Variants in RTL4 observed in about 807,000 individuals in gnomAD.
RTL4 encodes the protein retrotransposon Gag like 4.
RTL4 carries 4 observed loss-of-function variants against 5.3 expected under a neutral mutation model. The ratio of observed to expected loss-of-function variants is 0.75; its 90% CI spans 0.37 to 1.72. RTL4 has a LOEUF of 1.72. Among genes scored for constraint, RTL4 ranks in the 40% most tolerant of loss-of-function variants. The pLI is 0.04. For missense variants in RTL4, 260 were observed against 227.1 expected (o/e 1.14, Z -0.93); for synonymous variants, 98 against 87.3 (o/e 1.12, Z -0.68).
At chrX:112,410,047 G>A in the RTL4 span, among the ~76,000 whole-genome samples, 1 of 111,525 alleles carries the variant, frequency 9.0e-6, no homozygotes, top group Non-Finnish European at 1.9e-5. Context: ...GATATTCCAT[G>A]CAAATAGAAA....
chrX:112,271,050 A>G, the RTL4 span, among the ~76,000 whole-genome samples: 1 of 11,168 alleles, frequency 9.0e-5, no homozygotes, highest in Non-Finnish European at 2.5e-4. Context: ...CTGGAGACAG[A>G]AAAAAAAAAA....
the RTL4 span, among the ~76,000 whole-genome samples, chrX:112,098,746 C>T: frequency 9.0e-6 from 1 of 111,720 alleles, no homozygotes; most frequent in Non-Finnish European, 1.9e-5. Context: ...CTTTTGGCTG[C>T]ATAAATGTCT....
the RTL4 span, among the ~76,000 whole-genome samples, chrX:112,428,185 A>C: frequency 9.0e-6 from 1 of 111,597 alleles, no homozygotes; most frequent in African/African-American, 3.2e-5. Flanking sequence ...GTGAGCACTT[A>C]AGTTGGTTCC....
the RTL4 span, among the ~76,000 whole-genome samples, chrX:112,114,207 T>C: frequency 9.0e-6 from 1 of 111,566 alleles, no homozygotes; most frequent in Non-Finnish European, 1.9e-5. Flanking sequence ...TTTTTCCTAA[T>C]TCTCCTTAGT....
the RTL4 span, among the ~76,000 whole-genome samples, chrX:112,361,315 A>C: frequency 1.8e-5 from 2 of 111,511 alleles, no homozygotes; most frequent in Non-Finnish European, 3.8e-5. Context: ...AGAATTCAAC[A>C]GTCTCTCTAC....
At chrX:112,446,539 T>G in the RTL4 span, among the ~76,000 whole-genome samples, 1 of 112,345 alleles carries the variant, frequency 8.9e-6, no homozygotes, top group Non-Finnish European at 1.9e-5. Context: ...GGAGCAGGGC[T>G]GGGTTTTCCA....
At chrX:112,241,172 TATATAA>T in the RTL4 span, among the ~76,000 whole-genome samples, 1 of 111,390 alleles carries the variant, frequency 9.0e-6, no homozygotes. Flanking sequence ...CCATAAAGAT[TATATAA>T]ATATAATCAA....
At chrX:112,193,075 C>G in the RTL4 span, among the ~76,000 whole-genome samples, 1 of 111,754 alleles carries the variant, frequency 8.9e-6, no homozygotes, top group Non-Finnish European at 1.9e-5. Context: ...ATTATGTCAT[C>G]TCATTGCCTT....
At chrX:112,249,305 T>C in the RTL4 span, among the ~76,000 whole-genome samples, 1 of 111,895 alleles carries the variant, frequency 8.9e-6, no homozygotes, top group African/African-American at 3.3e-5. Flanking sequence ...GGTTTGATCA[T>C]GTGAGTACCT....
the RTL4 span, among the ~76,000 whole-genome samples, chrX:112,242,247 C>T: frequency 8.9e-6 from 1 of 111,825 alleles, no homozygotes; most frequent in South Asian, 3.8e-4. Flanking sequence ...TCATTGGTAG[C>T]TTGATGGGGA....
the RTL4 span, among the ~76,000 whole-genome samples, chrX:112,120,797 A>G: frequency 0.012 from 1,335 of 111,652 alleles, 17 homozygotes; most frequent in African/African-American, 0.04. Context: ...GCATAAAGAC[A>G]TGGAATTTGA....
the RTL4 span, among the ~76,000 whole-genome samples, chrX:112,105,205 C>T: frequency 9.0e-6 from 1 of 111,624 alleles, no homozygotes; most frequent in Non-Finnish European, 1.9e-5. Flanking sequence ...GCTGTAAATA[C>T]TTGTACTTAT....
At chrX:112,174,190 C>T in the RTL4 span, among the ~76,000 whole-genome samples, 1 of 102,953 alleles carries the variant, frequency 9.7e-6, no homozygotes, top group Admixed American at 1.1e-4. Context: ...ACTAACTCAC[C>T]ATCTAGCATT....
the RTL4 span, among the ~76,000 whole-genome samples, chrX:112,362,856 A>G: frequency 1.7e-4 from 19 of 110,999 alleles, no homozygotes; most frequent in African/African-American, 5.9e-4. Flanking sequence ...GAAATCCTTC[A>G]GTCTTGGGCA....
At chrX:112,401,313 T>A in the RTL4 span, among the ~76,000 whole-genome samples, 2 of 111,527 alleles carry the variant, frequency 1.8e-5, no homozygotes, top group Non-Finnish European at 3.8e-5. Flanking sequence ...TATTCTTATC[T>A]GTACATTTTC....
At chrX:112,141,911 C>A in the RTL4 span, among the ~76,000 whole-genome samples, 3 of 111,670 alleles carry the variant, frequency 2.7e-5, no homozygotes, top group Non-Finnish European at 5.6e-5. Context: ...GTTTTGGAAT[C>A]TTTATCACTG....
chrX:112,106,407 G>A, the RTL4 span, among the ~76,000 whole-genome samples: 21 of 111,827 alleles, frequency 1.9e-4, no homozygotes, highest in East Asian at 5.1e-3. Flanking sequence ...AGCTTGAGAG[G>A]GATAGGTATT....
chrX:112,258,341 A>G, the RTL4 span, among the ~76,000 whole-genome samples: 1,660 of 110,705 alleles, frequency 0.015, 33 homozygotes, highest in African/African-American at 0.051. Context: ...CAAATGTACC[A>G]CTGCGGTGGC....
chrX:112,435,128 C>G, the RTL4 span, among the ~76,000 whole-genome samples: 1 of 111,342 alleles, frequency 9.0e-6, no homozygotes, highest in Non-Finnish European at 1.9e-5. Flanking sequence ...TGGTCCCATC[C>G]TTAATACTTG....
Sources: gnomAD v4.1 joint callset for allele counts (sites outside exome capture counted in the v4.1 genomes callset) on GRCh38, gnomAD v4.1.1 for gene constraint, MANE v1.5 for transcripts, NCBI Gene and HGNC (gene_info 2026-07-23, HGNC 2026-07-21) for gene names.